Variants in COX7B2 observed in about 807,000 individuals in gnomAD.
COX7B2 encodes cytochrome c oxidase subunit 7B2.
For missense variants in COX7B2, 109 were observed against 95.9 expected, an observed-to-expected ratio of 1.14 and a Z score of -0.57; for synonymous variants, 37 against 32.1, an observed-to-expected ratio of 1.15 and a Z score of -0.51.
At chr4:46,847,439 G>A (rs968971958) in intron 1 of COX7B2, among the ~76,000 whole-genome samples, 1 of 152,052 alleles carries the variant, frequency 6.6e-6, no homozygotes, top group African/African-American at 2.4e-5. Flanking sequence ...GAAAACTTGA[G>A]TAAATTTAGA....
chr4:46,838,274 A>G (rs1332765372), intron 2 of COX7B2, among the ~76,000 whole-genome samples: 3 of 152,110 alleles, frequency 2.0e-5, no homozygotes, highest in Non-Finnish European at 2.9e-5. Context: ...ATGTACTAGC[A>G]TTATGTCTTG....
intron 2 of COX7B2, among the ~76,000 whole-genome samples, chr4:46,775,504 T>G (rs1717108487): frequency 6.6e-6 from 1 of 152,160 alleles, no homozygotes; most frequent in African/African-American, 2.4e-5. Context: ...CTTTTACTAT[T>G]TAGTGATGAA....
intron 2 of COX7B2, among the ~76,000 whole-genome samples, chr4:46,801,177 T>C (rs1333829700): frequency 6.6e-6 from 1 of 152,130 alleles, no homozygotes; most frequent in Middle Eastern, 3.2e-3. Flanking sequence ...GAAAGCAGTT[T>C]CAAGATTTCC....
rs141053142 is a variant in COX7B2 at position 46,894,410 on chromosome 4, A to G, written c.-105+14750T>C. 2.3e-3 allele frequency among the ~76,000 whole-genome samples: 345 copies of G among 152,212 alleles called. 3 individuals carry two copies. The highest frequency in any genetic ancestry group is 8.1e-3 in the African/African-American group (336 of 41,556). On this transcript the variant is annotated intron_variant, in intron 1 of 2. Coordinates refer to ENST00000355591, the MANE Select transcript of COX7B2 (RefSeq NM_130902.3). ...GAGGAAAAGACCCCCTATTCAATAAACGGTGCTGGAATAACAGGTTACCTA... is the reference window on the plus strand; with the variant it reads ...GAGGAAAAGACCCCCTATTCAATAAGCGGTGCTGGAATAACAGGTTACCTA...
intron 1 of COX7B2, among the ~76,000 whole-genome samples, chr4:46,873,663 C>T (rs1026073156): frequency 6.6e-6 from 1 of 151,940 alleles, no homozygotes; most frequent in Non-Finnish European, 1.5e-5. Context: ...ATAAATTTTG[C>T]TATTACTATT....
At chr4:46,847,154 T>C (rs1716337448) in intron 1 of COX7B2, among the ~76,000 whole-genome samples, 2 of 151,868 alleles carry the variant, frequency 1.3e-5, no homozygotes. Flanking sequence ...ACTCAGGTGC[T>C]CCATTATCCT....
intron 1 of COX7B2, among the ~76,000 whole-genome samples, chr4:46,847,395 TC>T (rs1716359046): frequency 6.6e-6 from 1 of 151,940 alleles, no homozygotes; most frequent in South Asian, 2.1e-4. Context: ...CATAAGGCCC[TC>T]CCTCCTATAG....
chr4:46,851,233 G>A (rs142607039), intron 1 of COX7B2, among the ~76,000 whole-genome samples: 55 of 152,002 alleles, frequency 3.6e-4, no homozygotes, highest in African/African-American at 1.2e-3. Context: ...TATTTGAGAG[G>A]AACCAGAAAA....
At chr4:46,825,554 A>C (rs929475699) in intron 2 of COX7B2, among the ~76,000 whole-genome samples, 1 of 152,190 alleles carries the variant, frequency 6.6e-6, no homozygotes, top group Non-Finnish European at 1.5e-5. Flanking sequence ...CATGGAACCA[A>C]AAAAGAGCTC....
chr4:46,782,644 T>C (rs1409105947), intron 2 of COX7B2, among the ~76,000 whole-genome samples: 1 of 152,186 alleles, frequency 6.6e-6, no homozygotes, highest in Non-Finnish European at 1.5e-5. Flanking sequence ...TGCTGCTCAC[T>C]CTTTGGGTCT....
chr4:46,805,141 C>T (rs112038037), intron 2 of COX7B2, among the ~76,000 whole-genome samples: 4,183 of 152,028 alleles, frequency 0.028, 125 homozygotes, highest in African/African-American at 0.079. Context: ...CTCCAAGCAC[C>T]GGGCAGCCCC....
chr4:46,846,173 G>T (rs557150945), intron 1 of COX7B2, among the ~76,000 whole-genome samples: 1 of 152,198 alleles, frequency 6.6e-6, no homozygotes, highest in East Asian at 1.9e-4. Flanking sequence ...GTGAGAACAA[G>T]ACTAACTGCG....
chr4:46,768,884 TA>T (rs1367030861), intron 2 of COX7B2, among the ~76,000 whole-genome samples: 1 of 151,886 alleles, frequency 6.6e-6, no homozygotes, highest in Non-Finnish European at 1.5e-5. Flanking sequence ...ACATTGCAAC[TA>T]ATACCACAAA....
chr4:46,794,119 T>A (rs1010227003), intron 2 of COX7B2, among the ~76,000 whole-genome samples: 2 of 152,184 alleles, frequency 1.3e-5, no homozygotes, highest in Non-Finnish European at 2.9e-5. Context: ...GTATAACACA[T>A]AAAGTATGTT....
chr4:46,763,071 T>TAA, intron 2 of COX7B2, among the ~76,000 whole-genome samples: 1 of 133,436 alleles, frequency 7.5e-6, no homozygotes, highest in African/African-American at 2.8e-5. Flanking sequence ...ATATATTATA[T>TAA]AATATATATT....
chr4:46,829,376 T>G (rs1421153100), intron 2 of COX7B2, among the ~76,000 whole-genome samples: 1 of 152,208 alleles, frequency 6.6e-6, no homozygotes, highest in African/African-American at 2.4e-5. Flanking sequence ...TAATTCAGTT[T>G]GCACCCACTT....
intron 2 of COX7B2, among the ~76,000 whole-genome samples, chr4:46,841,332 GCT>G (rs1491301996): frequency 8.5e-6 from 1 of 117,072 alleles, no homozygotes. Context: ...TACCAAATGT[GCT>G]CTGTGTGTGT....
chr4:46,894,202 C>T (rs1719612206), intron 1 of COX7B2, among the ~76,000 whole-genome samples: 1 of 152,042 alleles, frequency 6.6e-6, no homozygotes, highest in African/African-American at 2.4e-5. Context: ...GCCTGAATAG[C>T]CAAAGTAATC....
chr4:46,763,118 A>G lies in COX7B2; in HGVS notation c.-49-27877T>C, dbSNP rs1016415969. On this transcript the variant is annotated intron_variant, in intron 2 of 2. Coordinates refer to ENST00000355591, the MANE Select transcript of COX7B2 (RefSeq NM_130902.3). ...TATATAATAAATTATATAATATATT[A>G]CATTATAATTATAATTGTATAATTA... Among the ~76,000 whole-genome samples, 8 of 103,502 alleles carry G rather than the reference A, an allele frequency of 7.7e-5. No individual in the cohort carries two copies. The East Asian group carries it at 1.1e-3, about 14-fold the overall frequency. The allele number at this position is 103,502 out of a possible 152,430, so 67.9% of individuals were successfully genotyped here. A position where few individuals can be genotyped will look rare whatever the true frequency, so the allele number is the denominator to read the frequency against.
Sources: gnomAD v4.1 joint callset for allele counts (sites outside exome capture counted in the v4.1 genomes callset) on GRCh38, gnomAD v4.1.1 for gene constraint, MANE v1.5 for transcripts, NCBI Gene and HGNC (gene_info 2026-07-23, HGNC 2026-07-21) for gene names.